Variants in CDC26 observed in about 807,000 individuals in gnomAD.
The protein encoded by CDC26 is anaphase-promoting complex subunit CDC26.
A neutral mutation model predicts 8.0 loss-of-function variants in CDC26; 2 were observed. The ratio of observed to expected loss-of-function variants is 0.25; its 90% CI spans 0.10 to 0.79. The LOEUF is 0.79. Among genes scored for constraint, CDC26 ranks in the 30% least tolerant of loss-of-function variants. The probability of loss-of-function intolerance (pLI) is 0.70; values close to 1 mark genes in which losing one functional copy is unlikely to be tolerated. For missense variants in CDC26, 68 were observed against 106.0 expected, an observed-to-expected ratio of 0.64 and a Z score of 1.57; for synonymous variants, 19 against 34.9, an observed-to-expected ratio of 0.55 and a Z score of 1.60.
chr9:113,269,669 A>T (rs1221464915), intron 3 of CDC26, among the ~76,000 whole-genome samples: 1 of 152,246 alleles, frequency 6.6e-6, no homozygotes, highest in African/African-American at 2.4e-5. Flanking sequence ...TCAGCATGCT[A>T]GCATTTTATG....
At chr9:113,272,676 A>C in intron 2 of CDC26, 128 bp from the exon 3 acceptor site, 2 of 554,404 alleles carry the variant, frequency 3.6e-6, no homozygotes, top group Non-Finnish European at 3.2e-6. Context: ...GAATTTACAC[A>C]TAGACTTCTA....
intron 3 of CDC26, among the ~76,000 whole-genome samples, chr9:113,268,521 G>A (rs1181704973): frequency 6.6e-6 from 1 of 152,194 alleles, no homozygotes; most frequent in African/African-American, 2.4e-5. Context: ...GTGAAATGAT[G>A]TTTTATCCAA....
Position 113,272,432 on chromosome 9 carries a change from G to C in CDC26, c.76C>G (p.Leu26Val), listed in dbSNP as rs916754147. 9 of 1,609,642 alleles carry C rather than the reference G, an allele frequency of 5.6e-6. No individual in the cohort carries two copies. The highest frequency in any genetic ancestry group is 7.6e-6 in the Non-Finnish European group (9 of 1,177,342). Residue 26 changes from leucine (L) to valine (V), a missense_variant, in exon 3 of 4, where the codon CTG becomes GTG. Transcript: ENST00000374206. ...IEEFENIRKD[L>V]ETRKKQKEDV... is the part of the protein sequence containing the mutation. The stretch of plus-strand genomic sequence containing the variant: ...ACACAAAGTTGTATTCATACCTCCA[G>C]GTCCTTTCGAATGTTCTCAAACTCT...
chr9:113,271,712 A>G (rs1831960061), intron 3 of CDC26, among the ~76,000 whole-genome samples: 1 of 152,254 alleles, frequency 6.6e-6, no homozygotes, highest in African/African-American at 2.4e-5. Flanking sequence ...ACTTTGTTAC[A>G]GCAGCCACAG....
rs113916493 is a variant in CDC26 at position 113,272,526 on chromosome 9, G to C, written c.-19C>G. 2,546 of 1,567,674 alleles carry C rather than the reference G, an allele frequency of 1.6e-3. 36 individuals carry two copies. The African/African-American group carries it at 0.03, about 19-fold the overall frequency. ...TCAGCATACTGAAGTCAACACTAAGGGCCAAACCCAGTGAACTATTAGCTG... is the reference window on the plus strand; with the variant it reads ...TCAGCATACTGAAGTCAACACTAAGCGCCAAACCCAGTGAACTATTAGCTG... On this transcript the variant is annotated 5_prime_UTR_variant, in exon 3 of 4. Transcript: ENST00000374206.
chr9:113,273,013 T>A (rs1173181136), intron 2 of CDC26, among the ~76,000 whole-genome samples: 1 of 152,226 alleles, frequency 6.6e-6, no homozygotes, highest in Non-Finnish European at 1.5e-5. Flanking sequence ...TCTTTAGGTA[T>A]GTGATTATTA....
chr9:113,270,506 T>A (rs975589542), intron 3 of CDC26, among the ~76,000 whole-genome samples: 2 of 152,096 alleles, frequency 1.3e-5, no homozygotes, highest in Admixed American at 6.6e-5. Context: ...TTATAATAAA[T>A]GCTATGAAAA....
At chr9:113,272,317 C>T in intron 3 of CDC26, 110 bp downstream of exon 3, 1 of 800,848 alleles carries the variant, frequency 1.2e-6, no homozygotes, top group Non-Finnish European at 2.2e-6. Flanking sequence ...ACGCGGGAGG[C>T]TGAGGCAGAG....
intron 1 of CDC26, 55 bp from the exon 2 acceptor site, chr9:113,273,493 G>A (rs942314477): frequency 3.9e-5 from 6 of 152,194 alleles, no homozygotes; most frequent in African/African-American, 1.4e-4. Context: ...ACCCTGATGA[G>A]GATACTAGCA....
At chr9:113,270,581 C>T (rs75332040) in intron 3 of CDC26, among the ~76,000 whole-genome samples, 4,256 of 152,230 alleles carry the variant, frequency 0.028, 95 homozygotes, top group Non-Finnish European at 0.042. Context: ...ACACATGAAA[C>T]TTGGATACGG....
intron 2 of CDC26, among the ~76,000 whole-genome samples, 174 bp downstream of exon 2, chr9:113,273,155 C>T (rs1377529017): frequency 6.6e-6 from 1 of 152,198 alleles, no homozygotes; most frequent in African/African-American, 2.4e-5. Flanking sequence ...GTTCCAGTCA[C>T]ATTCAAAGAA....
intron 1 of CDC26, among the ~76,000 whole-genome samples, chr9:113,274,256 A>C (rs1018077353): frequency 2.1e-4 from 32 of 152,232 alleles, no homozygotes; most frequent in African/African-American, 7.7e-4. Flanking sequence ...AAATGATGGA[A>C]GTGAAAACTC....
intron 3 of CDC26, among the ~76,000 whole-genome samples, chr9:113,272,104 A>C (rs1368747389): frequency 6.6e-6 from 1 of 152,178 alleles, no homozygotes; most frequent in Admixed American, 6.5e-5. Flanking sequence ...TATTATCTTA[A>C]ATATTCCTTA....
chr9:113,267,490 A>G, intron 3 of CDC26, 51 bp from the exon 4 acceptor site: 16 of 1,563,342 alleles, frequency 1.0e-5, no homozygotes, highest in Non-Finnish European at 1.4e-5. Flanking sequence ...CAATTAGCAA[A>G]TGTTTATTTA....
At chr9:113,273,821 C>CAA (rs149642304) in intron 1 of CDC26, among the ~76,000 whole-genome samples, 1,305 of 51,948 alleles carry the variant, frequency 0.025, 19 homozygotes, top group African/African-American at 0.032. Flanking sequence ...GACCCCAACT[C>CAA]AAAAAAAAAA....
At chr9:113,272,315 G>T in intron 3 of CDC26, 112 bp downstream of exon 3, 1 of 784,402 alleles carries the variant, frequency 1.3e-6, no homozygotes, top group Non-Finnish European at 2.2e-6. Flanking sequence ...GCACGCGGGA[G>T]GCTGAGGCAG....
At chr9:113,268,250 G>A (rs1831895849) in intron 3 of CDC26, among the ~76,000 whole-genome samples, 1 of 152,178 alleles carries the variant, frequency 6.6e-6, no homozygotes, top group Non-Finnish European at 1.5e-5. Context: ...ATTGGGTAAA[G>A]AAATAACCAC....
chr9:113,271,197 A>G (rs578210379), intron 3 of CDC26, among the ~76,000 whole-genome samples: 1 of 152,360 alleles, frequency 6.6e-6, no homozygotes, highest in South Asian at 2.1e-4. Context: ...ACACTGGGGA[A>G]GAATGGAAGG....
Position 113,267,125 on chromosome 9 carries a change from G to A in CDC26, c.*138C>T. The A allele has an allele frequency of 1.9e-6, 1 of 516,822 alleles. No individual in the cohort carries two copies. The highest frequency in any genetic ancestry group is 3.3e-6 in the Non-Finnish European group (1 of 300,266). The allele number at this position is 516,822 out of a possible 1,614,324, so 32.0% of individuals were successfully genotyped here. ...AGCTTAGAGTGCAAGTGAAGCATCA[G>A]TAATCTCATGCAGAAGATTTGTCTC... On this transcript the variant is annotated 3_prime_UTR_variant, in exon 4 of 4. Coordinates refer to ENST00000374206, the MANE Select transcript of CDC26 (RefSeq NM_139286.4).
Sources: allele counts gnomAD v4.1 joint callset (sites outside exome capture counted in the v4.1 genomes callset), GRCh38; gene constraint gnomAD v4.1.1; transcripts MANE v1.5; gene names NCBI Gene and HGNC (gene_info 2026-07-23, HGNC 2026-07-21).